The following COL16A1 variants were observed in gnomAD, a reference collection of about 807,000 sequenced individuals.
COL16A1 encodes the protein collagen alpha-1(XVI) chain.
A neutral mutation model predicts 266.3 loss-of-function variants in COL16A1; 189 were observed. The observed-to-expected ratio is 0.71, with a 90% confidence interval of 0.63 to 0.80. The LOEUF is 0.80. Ranked by LOEUF, COL16A1 falls within the 30% of genes least tolerant of loss-of-function variation. The pLI is 0.00. For missense variants in COL16A1, 1,928 were observed against 2,122.4 expected (o/e 0.91, Z 1.80); for synonymous variants, 740 against 782.3 (o/e 0.95, Z 0.90).
chr1:31,698,213 C>G lies in COL16A1; in HGVS notation c.391-41G>C, dbSNP rs1230934906. On this transcript the variant is annotated intron_variant, in intron 5 of 70. Coordinates refer to ENST00000373672, the MANE Select transcript of COL16A1 (RefSeq NM_001856.4). The surrounding 1 kb of genome is among the most constrained non-coding windows in gnomAD (Gnocchi z 4.1). The stretch of plus-strand genomic sequence containing the variant: ...AAAGGGAAAGGACAGAGATTCAGAG[C>G]TCCAGAGTCACACCATGGGCACGTT... 6.2e-7 allele frequency: 1 copy of G among 1,607,582 alleles called. No homozygotes were observed. Among genetic ancestry groups the G allele is most frequent in the South Asian group, 1.1e-5 (1 of 90,284 alleles).
chr1:31,675,400 T>C (rs1643102715), intron 42 of COL16A1, 89 bp from the exon 43 acceptor site: 2 of 1,540,232 alleles, frequency 1.3e-6, no homozygotes, highest in Middle Eastern at 1.7e-4. Context: ...CCGCCTCCTC[T>C]TCCCCTTGTC....
At chr1:31,687,492 G>T (rs1352173037) in intron 26 of COL16A1, among the ~76,000 whole-genome samples, 2 of 152,064 alleles carry the variant, frequency 1.3e-5, no homozygotes, top group African/African-American at 2.4e-5. Flanking sequence ...CCACGGGCAG[G>T]CCAGAGGAGG....
chr1:31,694,406 C>T (rs181081090), intron 11 of COL16A1, among the ~76,000 whole-genome samples: 6 of 152,350 alleles, frequency 3.9e-5, no homozygotes, highest in African/African-American at 1.2e-4. Flanking sequence ...TGGTTAGCTC[C>T]GCCTCCCAGT....
chr1:31,668,136 CA>C lies in COL16A1; in HGVS notation c.3303+28del, dbSNP rs1557629758. The C allele has an allele frequency of 6.3e-7, 1 of 1,590,712 alleles. No individual in the cohort carries two copies. Among genetic ancestry groups the C allele is most frequent in the Non-Finnish European group, 8.6e-7 (1 of 1,166,930 alleles). ...GCCCAAACCTCTGGTACCTGGCACC[CA>C]CTCCCCAGCAAGGGTCCCCTTACTC... On this transcript the variant is annotated intron_variant, in intron 51 of 70. Coordinates refer to ENST00000373672, the MANE Select transcript of COL16A1 (RefSeq NM_001856.4). This position sits in a 1 kb window ranked among gnomAD's most constrained non-coding sequence, Gnocchi z 5.8.
intron 62 of COL16A1, among the ~76,000 whole-genome samples, chr1:31,659,373 G>A (rs185136950): frequency 4.6e-5 from 7 of 152,274 alleles, no homozygotes; most frequent in South Asian, 2.1e-4. Context: ...CTGGGGGTCC[G>A]TGTAGCAGGG....
chr1:31,690,661 A>G, intron 20 of COL16A1, 88 bp from the exon 21 acceptor site: 1 of 1,540,350 alleles, frequency 6.5e-7, no homozygotes, highest in East Asian at 2.4e-5. Context: ...CCCCTCTGTG[A>G]TGGCAGAACA....
Position 31,683,794 on chromosome 1 carries a change from C to T in COL16A1, c.2338-46G>A, listed in dbSNP as rs373059559. 2.7e-5 allele frequency: 44 copies of T among 1,613,500 alleles called. 1 individual carries two copies. The Admixed American group carries it at 5.5e-4, about 20-fold the overall frequency. ...TCCCTGGCTCGAGGTTCCCCAGTCA[C>T]CCTTTCCCCTTCTCCCCAGCCCCTT... On this transcript the variant is annotated intron_variant, in intron 33 of 70. Transcript: ENST00000373672.
Position 31,672,855 on chromosome 1 carries a change from G to T in COL16A1, c.2860-15C>A, listed in dbSNP as rs1435123475. ...CCGCAGATACTCTGATCAGGGAGTG[G>T]GGAGAGGAGTGGGGCCTGGGTTAGA... On this transcript the variant is annotated splice_polypyrimidine_tract_variant and intron_variant, in intron 44 of 70. Transcript: ENST00000373672. 9 of 1,611,932 alleles carry T rather than the reference G, an allele frequency of 5.6e-6. No homozygotes were observed. The highest frequency in any genetic ancestry group is 6.8e-6 in the Non-Finnish European group (8 of 1,178,560).
At chr1:31,679,334 A>G in intron 42 of COL16A1, 1 of 1,388,098 alleles carries the variant, frequency 7.2e-7, no homozygotes, top group Admixed American at 2.7e-5. Flanking sequence ...ATGCTACTCC[A>G]AAACAGTGGG....
Position 31,668,924 on chromosome 1 carries a change from CT to C in COL16A1, c.3196-70del, listed in dbSNP as rs1218876609. The C allele has an allele frequency of 7.2e-7, 1 of 1,384,436 alleles. No homozygotes were observed. The highest frequency in any genetic ancestry group is 1.0e-6 in the Non-Finnish European group (1 of 993,976). 85.8% of individuals were successfully genotyped at this position (1,384,436 alleles called of 1,614,324 possible). The stretch of plus-strand genomic sequence containing the variant: ...CCACCCAGCCCCTGACTCCTTCCCC[CT>C]GCCCCACTGCCTTCTGTTCCCACTC... On this transcript the variant is annotated intron_variant, in intron 49 of 70. Transcript: ENST00000373672. This position sits in a 1 kb window ranked among gnomAD's most constrained non-coding sequence, Gnocchi z 5.8.
intron 31 of COL16A1, 143 bp from the exon 32 acceptor site, chr1:31,684,374 G>T: frequency 6.8e-7 from 1 of 1,468,704 alleles, no homozygotes; most frequent in East Asian, 2.4e-5. Flanking sequence ...GACACTCCTA[G>T]CAGAGGAGAA....
intron 63 of COL16A1, 87 bp downstream of exon 63, chr1:31,658,827 C>T: frequency 6.8e-7 from 1 of 1,463,644 alleles, no homozygotes; most frequent in Non-Finnish European, 9.4e-7. Flanking sequence ...AACTGTTCTC[C>T]ATCCCCCCAG....
Position 31,673,253 on chromosome 1 carries a change from C to T in COL16A1, c.2860-413G>A, listed in dbSNP as rs565646245. ...GCCCAAGGGAGCAAAGGAACAGCTG[C>T]GGGAGGAGCCAGGCCCTTCCCAGGA... On this transcript the variant is annotated intron_variant, in intron 44 of 70. Coordinates refer to ENST00000373672, the MANE Select transcript of COL16A1 (RefSeq NM_001856.4). 11 of 296,536 alleles carry T rather than the reference C, an allele frequency of 3.7e-5. No individual in the cohort carries two copies. The East Asian group carries it at 7.5e-4, about 20-fold the overall frequency. The allele number at this position is 296,536 out of a possible 1,614,324, so 18.4% of individuals were successfully genotyped here.
rs1641187227 is a variant in COL16A1 at position 31,656,694 on chromosome 1, T to C, written c.4057-250A>G. On this transcript the variant is annotated intron_variant, in intron 65 of 70. Transcript: ENST00000373672. The surrounding 1 kb of genome is among the most constrained non-coding windows in gnomAD (Gnocchi z 4.2). ...GATGAAGAGAGGCGAGAAGTCAGAA[T>C]GAGAGGGCCAGTCTGTGGCATACTG... 6.6e-6 allele frequency among the ~76,000 whole-genome samples: 1 copy of C among 152,170 alleles called. No individual in the cohort carries two copies. The highest frequency in any genetic ancestry group is 2.4e-5 in the African/African-American group (1 of 41,518).
In COL16A1 at chr1:31,691,935, G is replaced by A. The variant is rs548774355; in HGVS notation, c.1257+70C>T. 2.1e-4 allele frequency: 334 copies of A among 1,607,624 alleles called. No homozygotes were observed. The African/African-American group carries it at 2.3e-3, about 11-fold the overall frequency. On this transcript the variant is annotated intron_variant, in intron 17 of 70. Transcript: ENST00000373672. Reference sequence around the variant, plus strand: ...AGCAAGGGGAGGGGGCTGGATTCCCGAAGGTTAAATCCCAGCATTCTCAGA... The same window carrying A: ...AGCAAGGGGAGGGGGCTGGATTCCCAAAGGTTAAATCCCAGCATTCTCAGA...
Position 31,670,622 on chromosome 1 carries a change from C to G in COL16A1, c.3175G>C (p.Val1059Leu), listed in dbSNP as rs1642584649. 7.0e-7 allele frequency: 1 copy of G among 1,420,332 alleles called. No homozygotes were observed. The highest frequency in any genetic ancestry group is 1.5e-5 in the African/African-American group (1 of 65,584). The allele number at this position is 1,420,332 out of a possible 1,614,324, so 88.0% of individuals were successfully genotyped here. ...CTTACAGGCAATCCGGGGGAGCCAA[C>G]AGCACCAGGAAAACCTGGGGGGCCC... ...PIGPPGFPGAVGSPGLPGLQG... is the reference protein window; with the variant it reads ...PIGPPGFPGALGSPGLPGLQG... The change falls in exon 49 of 71, where the codon GTT (valine) becomes CTT (leucine). Residue 1059 changes from valine to leucine, a missense_variant. Transcript: ENST00000373672. This position sits in a 1 kb window ranked among gnomAD's most constrained non-coding sequence, Gnocchi z 4.5.
At chr1:31,671,527 T>A in intron 48 of COL16A1, 88 bp downstream of exon 48, 1 of 1,553,398 alleles carries the variant, frequency 6.4e-7, no homozygotes, top group Admixed American at 1.8e-5. Flanking sequence ...TTGCCCAGCC[T>A]TTTGGGGACA....
rs1644263502 is a variant in COL16A1 at position 31,691,454 on chromosome 1, A to G, written c.1361T>C (p.Leu454Pro). The G allele has an allele frequency of 1.2e-6, 2 of 1,612,892 alleles. No homozygotes were observed. The highest frequency in any genetic ancestry group is 2.2e-5 in the South Asian group (2 of 91,016). Reference sequence around the variant, plus strand: ...CAGTCCTATCCCAGGGGGTCCAGGGAGGCCGGGGGGCCCAGGCTCTCCTGC... The same window carrying G: ...CAGTCCTATCCCAGGGGGTCCAGGGGGGCCGGGGGGCCCAGGCTCTCCTGC... ...GLAGEPGPPG[L>P]PGPPGIGLPG... Residue 454 changes from leucine (L) to proline (P), a missense_variant, in exon 19 of 71, where the codon CTC becomes CCC. Around this residue, in one of 2 missense-constraint regions of COL16A1, gnomAD observed 1,552 missense variants for 1,637.2 expected, o/e 0.95. Transcript: ENST00000373672.
intron 62 of COL16A1, chr1:31,659,921 A>G (rs1206279558): frequency 4.8e-5 from 7 of 146,562 alleles, no homozygotes; most frequent in African/African-American, 1.5e-4. Flanking sequence ...ACCCCTTGAG[A>G]TGCATAAAAA....
Sources: gnomAD v4.1 joint callset for allele counts (sites outside exome capture counted in the v4.1 genomes callset) on GRCh38, gnomAD v4.1.1 for gene constraint, gnomAD v4.1.1 regional missense constraint, Gnocchi (gnomAD v3.1) non-coding constraint, MANE v1.5 for transcripts, NCBI Gene and HGNC (gene_info 2026-07-23, HGNC 2026-07-21) for gene names.